Variants in MEIS1 observed in about 807,000 individuals in gnomAD.
MEIS1 encodes the protein Meis homeobox 1.
MEIS1 carries 5 observed loss-of-function variants against 50.8 expected under a neutral mutation model. The observed-to-expected ratio is 0.10, with a 90% CI of 0.05 to 0.21. The LOEUF (loss-of-function observed/expected upper bound fraction) is 0.21, where lower values mean the gene tolerates loss of function less well. MEIS1 is among the 10% of genes least tolerant of loss of function. The pLI, the probability that MEIS1 is intolerant of heterozygous loss-of-function variation, is 1.00. For missense variants in MEIS1, 318 were observed against 517.3 expected, an observed-to-expected ratio of 0.61 and a Z score of 3.74; for synonymous variants, 176 against 179.3, an observed-to-expected ratio of 0.98 and a Z score of 0.15.
intron 8 of MEIS1, among the ~76,000 whole-genome samples, chr2:66,544,541 AG>A (rs1674742481): frequency 6.6e-6 from 1 of 152,144 alleles, no homozygotes; most frequent in Non-Finnish European, 1.5e-5. Flanking sequence ...ACCATAGACA[AG>A]GGTTTAGGAA....
At chr2:66,554,394 A>G (rs1268343384) in intron 9 of MEIS1, among the ~76,000 whole-genome samples, 1 of 152,080 alleles carries the variant, frequency 6.6e-6, no homozygotes, top group Non-Finnish European at 1.5e-5. Flanking sequence ...GCAGGACTTG[A>G]CTCCCATTTC....
intron 8 of MEIS1, among the ~76,000 whole-genome samples, chr2:66,542,781 A>G (rs748716504): frequency 2.6e-5 from 4 of 152,130 alleles, no homozygotes; most frequent in Non-Finnish European, 4.4e-5. Context: ...GAGGGAGGGG[A>G]TGTTATTGAA....
intron 11 of MEIS1, 129 bp from the exon 12 acceptor site, chr2:66,568,921 C>A: frequency 3.7e-6 from 4 of 1,094,994 alleles, no homozygotes; most frequent in Non-Finnish European, 4.2e-6. Context: ...AAGCCAGGAT[C>A]TTTATGCACT....
intron 7 of MEIS1, among the ~76,000 whole-genome samples, chr2:66,473,319 G>A (rs1325648514): frequency 2.0e-5 from 3 of 146,990 alleles, no homozygotes; most frequent in Admixed American, 6.8e-5. Context: ...CAGAGGTTGC[G>A]GTGAGCCGAG....
chr2:66,475,209 A>AATAAATATGTATATTTATAAAAATATTT (rs1573160047), intron 7 of MEIS1, among the ~76,000 whole-genome samples: 1 of 145,968 alleles, frequency 6.9e-6, no homozygotes, highest in Non-Finnish European at 1.5e-5. Flanking sequence ...CACCTATATA[A>AATAAATATGTATATTTATAAAAATATTT]ATAAATATGT....
intron 6 of MEIS1, among the ~76,000 whole-genome samples, chr2:66,445,645 C>A (rs1420975512): frequency 6.6e-6 from 1 of 152,076 alleles, no homozygotes; most frequent in African/African-American, 2.4e-5. Context: ...CTCTAGGGCC[C>A]GTTGGCGGCA....
At chr2:66,510,964 T>C (rs1177221870) in intron 7 of MEIS1, among the ~76,000 whole-genome samples, 1 of 152,144 alleles carries the variant, frequency 6.6e-6, no homozygotes, top group Non-Finnish European at 1.5e-5. Context: ...GGTCGTGTAG[T>C]TGGCTCTCCA....
intron 8 of MEIS1, among the ~76,000 whole-genome samples, chr2:66,534,144 G>T (rs1385584980): frequency 1.3e-5 from 2 of 149,850 alleles, no homozygotes; most frequent in Non-Finnish European, 3.0e-5. Flanking sequence ...GCAAGGCTTG[G>T]AGATCTGAAA....
At chr2:66,461,984 T>G in intron 6 of MEIS1, 1 of 424,698 alleles carries the variant, frequency 2.4e-6, no homozygotes, top group Middle Eastern at 3.5e-4. Flanking sequence ...AAAATTGAAT[T>G]TACTAAACAA....
intron 8 of MEIS1, among the ~76,000 whole-genome samples, chr2:66,518,422 C>T (rs979824810): frequency 6.6e-6 from 1 of 151,992 alleles, no homozygotes; most frequent in African/African-American, 2.4e-5. Flanking sequence ...TACAGATACA[C>T]GATAGTTTGG....
intron 7 of MEIS1, among the ~76,000 whole-genome samples, chr2:66,500,019 C>G (rs1275443661): frequency 6.6e-6 from 1 of 152,100 alleles, no homozygotes; most frequent in Non-Finnish European, 1.5e-5. Context: ...AGGTTCTTGT[C>G]TTTTGCCTCT....
chr2:66,465,755 T>A (rs1672620598), intron 7 of MEIS1, among the ~76,000 whole-genome samples: 1 of 152,228 alleles, frequency 6.6e-6, no homozygotes, highest in South Asian at 2.1e-4. Flanking sequence ...GAAATGCACT[T>A]GAATTTAAAA....
chr2:66,507,968 T>A (rs1400483864), intron 7 of MEIS1, among the ~76,000 whole-genome samples: 5 of 152,268 alleles, frequency 3.3e-5, no homozygotes, highest in Non-Finnish European at 7.3e-5. Context: ...CGAATTGTAG[T>A]ACAAATTCCT....
At chr2:66,440,832 C>T in intron 4 of MEIS1, 1 of 569,444 alleles carries the variant, frequency 1.8e-6, no homozygotes, top group Non-Finnish European at 3.1e-6. Context: ...CGCGGGGAAA[C>T]GCGAGCTTTT....
intron 7 of MEIS1, among the ~76,000 whole-genome samples, chr2:66,491,334 G>T (rs1673268228): frequency 6.6e-6 from 1 of 152,228 alleles, no homozygotes; most frequent in South Asian, 2.1e-4. Context: ...GTTGTCTGTG[G>T]ATGGAATTTT....
At chr2:66,462,695 G>T (rs1284435815) in intron 6 of MEIS1, among the ~76,000 whole-genome samples, 4 of 152,114 alleles carry the variant, frequency 2.6e-5, no homozygotes, top group African/African-American at 9.7e-5. Flanking sequence ...CATTCTTCTG[G>T]TATGCTGCAG....
chr2:66,444,658 C>T (rs529385078), intron 6 of MEIS1, among the ~76,000 whole-genome samples: 1 of 152,292 alleles, frequency 6.6e-6, no homozygotes, highest in African/African-American at 2.4e-5. Flanking sequence ...CAGCCTTGGC[C>T]CCCGCGGGCG....
intron 7 of MEIS1, among the ~76,000 whole-genome samples, chr2:66,489,346 C>T (rs529428104): frequency 6.6e-6 from 1 of 152,286 alleles, no homozygotes; most frequent in South Asian, 2.1e-4. Flanking sequence ...TACAATTAGC[C>T]TCTGTAAATA....
chr2:66,567,777 A>C, intron 10 of MEIS1: 1 of 575,610 alleles, frequency 1.7e-6, no homozygotes, highest in Non-Finnish European at 3.0e-6. Context: ...GTACACATTC[A>C]ATATATTAAT....
Sources: allele counts gnomAD v4.1 joint callset (sites outside exome capture counted in the v4.1 genomes callset), GRCh38; gene constraint gnomAD v4.1.1; transcripts MANE v1.5; gene names NCBI Gene and HGNC (gene_info 2026-07-23, HGNC 2026-07-21).